Variants in CACNA1E observed in about 807,000 individuals in gnomAD.
CACNA1E encodes voltage-dependent R-type calcium channel subunit alpha-1E.
CACNA1E carries 40 observed loss-of-function variants against 259.2 expected under a neutral mutation model. That is an observed-to-expected ratio of 0.15 (90% CI 0.12 to 0.20). CACNA1E has a LOEUF of 0.20. Ranked by LOEUF, CACNA1E falls within the 10% of genes least tolerant of loss-of-function variation. CACNA1E has a pLI of 1.00. For synonymous variants in CACNA1E, 1,104 were observed against 1,138.5 expected (o/e 0.97, Z 0.61); for missense variants, 1,874 against 3,040.1 (o/e 0.62, Z 9.02).
At chr1:181,623,157 G>T (rs1308387707) in intron 6 of CACNA1E, among the ~76,000 whole-genome samples, 2 of 152,094 alleles carry the variant, frequency 1.3e-5, no homozygotes, top group African/African-American at 4.8e-5. Context: ...CAACCCCTCA[G>T]TTAAAATCGC....
intron 3 of CACNA1E, among the ~76,000 whole-genome samples, chr1:181,517,244 A>G (rs1419977980): frequency 6.6e-6 from 1 of 152,190 alleles, no homozygotes; most frequent in East Asian, 1.9e-4. Flanking sequence ...TTCTGGGAGA[A>G]AGAATGCTAT....
In CACNA1E at chr1:181,755,365, G is replaced by T; in HGVS notation, c.3957G>T (p.Thr1319=). Residue 1319 remains threonine, a synonymous_variant, in exon 28 of 48, where the codon ACG becomes ACT. Coordinates refer to ENST00000367573, the MANE Select transcript of CACNA1E (RefSeq NM_001205293.3). ...QLFKGKFFYC[T]DSSKDTEKEC... ...TCAAGGGAAAGTTCTTTTATTGCAC[G>T]GACAGTTCCAAGGACACAGAGAAGG... 2 of 1,613,782 alleles carry T rather than the reference G, an allele frequency of 1.2e-6. No individual in the cohort carries two copies. The highest frequency in any genetic ancestry group is 2.2e-5 in the South Asian group (2 of 91,058).
At chr1:181,323,023 G>T (rs559752176) in intron 1 of CACNA1E, among the ~76,000 whole-genome samples, 2 of 152,324 alleles carry the variant, frequency 1.3e-5, no homozygotes, top group South Asian at 2.1e-4. Flanking sequence ...AAAATCTAGG[G>T]CTGCACCGAT....
intron 1 of CACNA1E, among the ~76,000 whole-genome samples, chr1:181,366,200 AGGAGAGTAC>A (rs1449164557): frequency 6.6e-6 from 1 of 152,160 alleles, no homozygotes; most frequent in East Asian, 1.9e-4. Flanking sequence ...TTAGGGTTGG[AGGAGAGTAC>A]TGAAGCACCT....
chr1:181,778,004 C>G (rs551433622), intron 38 of CACNA1E, among the ~76,000 whole-genome samples: 1 of 152,198 alleles, frequency 6.6e-6, no homozygotes, highest in African/African-American at 2.4e-5. Flanking sequence ...ACATGCTCCT[C>G]CCTACTTATT....
chr1:181,599,172 G>A (rs1023071595), intron 6 of CACNA1E, among the ~76,000 whole-genome samples: 1 of 151,440 alleles, frequency 6.6e-6, no homozygotes, highest in Non-Finnish European at 1.5e-5. Flanking sequence ...GTGTCCATGT[G>A]TTCTCATCAT....
At chr1:181,733,129 A>G in intron 20 of CACNA1E, 95 bp downstream of exon 20, 2 of 1,421,688 alleles carry the variant, frequency 1.4e-6, no homozygotes, top group Non-Finnish European at 9.2e-7. Flanking sequence ...TTCTTCTCCT[A>G]TTATAAAATG....
chr1:181,790,717 C>G (rs1661229433), intron 44 of CACNA1E, among the ~76,000 whole-genome samples, 161 bp downstream of exon 44: 1 of 152,232 alleles, frequency 6.6e-6, no homozygotes, highest in Non-Finnish European at 1.5e-5. Flanking sequence ...AGCCCAGTTT[C>G]TCATGTGCTC....
chr1:181,548,119 C>CT (rs770532314), intron 3 of CACNA1E, among the ~76,000 whole-genome samples: 3 of 11,132 alleles, frequency 2.7e-4, no homozygotes, highest in Non-Finnish European at 8.0e-4. Flanking sequence ...TCCCATAACA[C>CT]TTTTTTTTTC....
intron 6 of CACNA1E, among the ~76,000 whole-genome samples, chr1:181,619,893 G>A (rs982550971): frequency 6.6e-6 from 1 of 152,100 alleles, no homozygotes; most frequent in Non-Finnish European, 1.5e-5. Flanking sequence ...TTATTGGGGA[G>A]GGGGGAAGGA....
chr1:181,607,252 T>G (rs915874876), intron 6 of CACNA1E, among the ~76,000 whole-genome samples: 7 of 152,216 alleles, frequency 4.6e-5, no homozygotes, highest in Non-Finnish European at 7.3e-5. Context: ...GAATAAAGAA[T>G]TCTTGTCCTT....
In CACNA1E at chr1:181,805,916, C is replaced by A. The variant is rs635517; in HGVS notation, c.*7082C>A. On this transcript the variant is annotated 3_prime_UTR_variant, in exon 48 of 48. Transcript: ENST00000367573. Reference sequence around the variant, plus strand: ...GAGGTAGAAAGTAACAGGTCCCAGACGAGGACAGACTTAGAGATGTGTAAC... The same window carrying A: ...GAGGTAGAAAGTAACAGGTCCCAGAAGAGGACAGACTTAGAGATGTGTAAC... The A allele has an allele frequency of 0.78, 119,028 of 152,206 alleles. 46,714 individuals carry two copies. The highest frequency in any genetic ancestry group is 0.85 in the South Asian group (4,122 of 4,826). 9.4% of individuals were successfully genotyped at this position (152,206 alleles called of 1,614,324 possible). A position where few individuals can be genotyped will look rare whatever the true frequency, so the allele number is the denominator to read the frequency against.
At chr1:181,616,114 G>A (rs183240749) in intron 6 of CACNA1E, among the ~76,000 whole-genome samples, 84 of 152,068 alleles carry the variant, frequency 5.5e-4, no homozygotes, top group Non-Finnish European at 9.7e-4. Context: ...GATTTTTTAC[G>A]ATTGCATTAT....
rs73045156 is a variant in CACNA1E at position 181,776,682 on chromosome 1, T to C, written c.5267+454T>C. Among the ~76,000 whole-genome samples, 2,132 of 152,362 alleles carry C rather than the reference T, an allele frequency of 0.014. 41 individuals carry two copies. Among genetic ancestry groups the C allele is most frequent in the African/African-American group, 0.045 (1,882 of 41,576 alleles). The stretch of plus-strand genomic sequence containing the variant: ...CAGTTGGATATAACTCTGAAATTAT[T>C]TTTTAAAAACCAAACAAGTTGTTCT... On this transcript the variant is annotated intron_variant, in intron 38 of 47. Transcript: ENST00000367573. This position sits in a 1 kb window ranked among gnomAD's most constrained non-coding sequence, Gnocchi z 4.4.
At chr1:181,440,281 T>G (rs1660374158) in intron 2 of CACNA1E, among the ~76,000 whole-genome samples, 1 of 152,122 alleles carries the variant, frequency 6.6e-6, no homozygotes, top group Non-Finnish European at 1.5e-5. Context: ...TCCCTGGGAG[T>G]AAAACCTTAC....
chr1:181,584,209 G>T (rs1651830513), intron 6 of CACNA1E, among the ~76,000 whole-genome samples: 1 of 152,244 alleles, frequency 6.6e-6, no homozygotes, highest in African/African-American at 2.4e-5. Context: ...TCACATCTTT[G>T]CTCCTGAAGT....
At chr1:181,617,109 G>C (rs181450507) in intron 6 of CACNA1E, among the ~76,000 whole-genome samples, 73 of 152,096 alleles carry the variant, frequency 4.8e-4, no homozygotes, top group Non-Finnish European at 8.7e-4. Context: ...AAATTCATTA[G>C]TCTTCTCAAA....
chr1:181,406,000 T>C (rs1469902310), intron 1 of CACNA1E, among the ~76,000 whole-genome samples: 3 of 152,232 alleles, frequency 2.0e-5, no homozygotes, highest in African/African-American at 7.2e-5. Context: ...GCTTTCACAC[T>C]GAAAAGGCAG....
chr1:181,476,932 G>A (rs1385510540), intron 2 of CACNA1E, among the ~76,000 whole-genome samples: 1 of 152,044 alleles, frequency 6.6e-6, no homozygotes, highest in African/African-American at 2.4e-5. Flanking sequence ...TTGCTGTCTG[G>A]GGCTAAACTC....
Sources: gnomAD v4.1 joint callset for allele counts (sites outside exome capture counted in the v4.1 genomes callset) on GRCh38, gnomAD v4.1.1 for gene constraint, Gnocchi (gnomAD v3.1) non-coding constraint, MANE v1.5 for transcripts, NCBI Gene and HGNC (gene_info 2026-07-23, HGNC 2026-07-21) for gene names.